PKHD1: variants seen among roughly 807,000 people sequenced by gnomAD.
The protein encoded by PKHD1 is fibrocystin.
Under a neutral mutation model 412.0 loss-of-function variants are expected in PKHD1, and 291 were observed. The ratio of observed to expected loss-of-function variants is 0.71; its 90% CI spans 0.64 to 0.78. PKHD1 has a LOEUF of 0.78. Among genes scored for constraint, PKHD1 ranks in the 30% least tolerant of loss-of-function variants. The pLI is 0.00. For missense variants in PKHD1, 4,825 were observed against 4,950.7 expected (o/e 0.97, Z 0.76); for synonymous variants, 1,777 against 1,821.5 (o/e 0.98, Z 0.62).
At chr6:51,888,928 A>G (rs1452934009) in intron 43 of PKHD1, among the ~76,000 whole-genome samples, 4 of 151,440 alleles carry the variant, frequency 2.6e-5, no homozygotes, top group Admixed American at 2.6e-4. Context: ...CAAAGGGCCA[A>G]TCGATCAAGC....
In PKHD1 at chr6:52,007,793, T is replaced by C. The variant is rs1402932549; in HGVS notation, c.5751+2516A>G. On this transcript the variant is annotated intron_variant, in intron 35 of 66. Transcript: ENST00000371117. ...ATTTTCCCATTATACAGAATGTTGT[T>C]TTTCTGGACTCCAGGCCACTGTGTG... Among the ~76,000 whole-genome samples, 3 of 152,196 alleles carry C rather than the reference T, an allele frequency of 2.0e-5. No homozygotes were observed. The East Asian group carries it at 5.8e-4, about 29-fold the overall frequency.
chr6:51,718,367 C>T (rs1053203922), intron 60 of PKHD1, among the ~76,000 whole-genome samples: 1 of 152,170 alleles, frequency 6.6e-6, no homozygotes, highest in Non-Finnish European at 1.5e-5. Flanking sequence ...ACCTTAAGCA[C>T]ACTTATTCTA....
In PKHD1 at chr6:51,645,511, G is replaced by A. The variant is rs989601740; in HGVS notation, c.11398+2520C>T. On this transcript the variant is annotated intron_variant, in intron 63 of 66. Transcript: ENST00000371117. ...GGGTTCAAGTGATTCTCGTGCCTCC[G>A]CTTCCCAAGTAGCTGGGATTACAGG... Among the ~76,000 whole-genome samples, 6 of 152,016 alleles carry A rather than the reference G, an allele frequency of 3.9e-5. No homozygotes were observed. In the East Asian group the frequency reaches 5.8e-4, roughly 15 times the overall value.
chr6:51,897,868 T>C (rs1173340307), intron 43 of PKHD1, among the ~76,000 whole-genome samples: 1 of 150,758 alleles, frequency 6.6e-6, no homozygotes, highest in Non-Finnish European at 1.5e-5. Flanking sequence ...GCAATCCTAG[T>C]CTCTGATAAA....
chr6:51,619,106 G>C lies in PKHD1; in HGVS notation c.12200C>G (p.Pro4067Arg). 6.2e-7 allele frequency: 1 copy of C among 1,614,178 alleles called. No individual in the cohort carries two copies. The highest frequency in any genetic ancestry group is 8.5e-7 in the Non-Finnish European group (1 of 1,179,992). ...TCACAGTTGCTCCTGAATAGTTTCC[G>C]GGTGTACTGAATGAAGGCAGAATGC... ...TEAFCLHSVH[P>R]ETIQEQL The change falls in exon 67 of 67, where the codon CCG (proline) becomes CGG (arginine). Residue 4067 changes from proline (P) to arginine (R), a missense_variant. Physicochemically the swap from Pro to Arg is moderately radical, Grantham distance 103. Coordinates refer to ENST00000371117, the MANE Select transcript of PKHD1 (RefSeq NM_138694.4).
At chr6:51,799,496 G>C (rs1477321018) in intron 52 of PKHD1, among the ~76,000 whole-genome samples, 7 of 152,122 alleles carry the variant, frequency 4.6e-5, no homozygotes, top group Non-Finnish European at 1.0e-4. Context: ...GGTTGACTCT[G>C]TTTTTATTCC....
At chr6:51,823,042 G>A (rs1224116527) in intron 52 of PKHD1, among the ~76,000 whole-genome samples, 1 of 151,690 alleles carries the variant, frequency 6.6e-6, no homozygotes, top group African/African-American at 2.4e-5. Context: ...GTTGTAAACT[G>A]CTGCTGAAAG....
At chr6:52,081,524 T>A (rs1812022619) in intron 4 of PKHD1, among the ~76,000 whole-genome samples, 1 of 151,402 alleles carries the variant, frequency 6.6e-6, no homozygotes, top group Non-Finnish European at 1.5e-5. Flanking sequence ...AGGCACAGGG[T>A]CACTAAGGCT....
At chr6:51,987,390 A>G (rs1796350604) in intron 35 of PKHD1, among the ~76,000 whole-genome samples, 1 of 152,202 alleles carries the variant, frequency 6.6e-6, no homozygotes, top group Non-Finnish European at 1.5e-5. Context: ...TCACTTCTAT[A>G]CCCTGTTTGA....
At chr6:51,671,007 A>T (rs1321014019) in intron 60 of PKHD1, among the ~76,000 whole-genome samples, 3 of 151,904 alleles carry the variant, frequency 2.0e-5, no homozygotes, top group African/African-American at 7.3e-5. Context: ...AACTTTGGTG[A>T]ATCTGACAAT....
intron 19 of PKHD1, 69 bp downstream of exon 19, chr6:52,055,518 A>T (rs1807571511): frequency 1.9e-6 from 3 of 1,553,094 alleles, no homozygotes; most frequent in Non-Finnish European, 2.7e-6. Context: ...CTGAGTTTTC[A>T]GTCTTGAATC....
At chr6:51,962,092 A>G (rs1310070554) in intron 35 of PKHD1, among the ~76,000 whole-genome samples, 1 of 152,226 alleles carries the variant, frequency 6.6e-6, no homozygotes, top group East Asian at 1.9e-4. Context: ...CCAAACCAAC[A>G]TCCAAAGCTT....
chr6:51,953,336 A>G (rs140297114), intron 36 of PKHD1, among the ~76,000 whole-genome samples: 2 of 152,256 alleles, frequency 1.3e-5, no homozygotes, highest in African/African-American at 4.8e-5. Flanking sequence ...TTTTATCAAA[A>G]TTACTGCCTT....
At chr6:52,061,811 A>G (rs139570937) in intron 14 of PKHD1, among the ~76,000 whole-genome samples, 1 of 152,260 alleles carries the variant, frequency 6.6e-6, no homozygotes, top group Non-Finnish European at 1.5e-5. Flanking sequence ...GAGATCCATC[A>G]TTCAGTAAAG....
intron 60 of PKHD1, among the ~76,000 whole-genome samples, chr6:51,689,499 A>G (rs1227386277): frequency 1.3e-5 from 2 of 152,212 alleles, no homozygotes; most frequent in African/African-American, 2.4e-5. Context: ...GGCCAGGGCA[A>G]TTAGGCAAGA....
intron 46 of PKHD1, 30 bp downstream of exon 46, chr6:51,883,062 CA>C (rs1451633667): frequency 1.3e-6 from 2 of 1,593,646 alleles, no homozygotes; most frequent in East Asian, 4.5e-5. Context: ...TTGTGATTGA[CA>C]GCCTAAAACA....
rs761352771 is a variant in PKHD1 at position 51,747,861 on chromosome 6, G to T, written c.9755C>A (p.Pro3252Gln). 1.2e-6 allele frequency: 2 copies of T among 1,613,546 alleles called. No homozygotes were observed. The highest frequency in any genetic ancestry group is 2.2e-5 in the East Asian group (1 of 44,852). ...CCATGGCTCCTGAGGCCACTGATTT[G>T]GTTCTGAGGTGAATACAGGCCACAG... ...GILWPVFTSE[P>Q]NQWPQEPWHK... Residue 3252 changes from proline (P) to glutamine (Q), a missense_variant, in exon 58 of 67, where the codon CCA becomes CAA. Pro to Gln is a moderately conservative substitution (Grantham distance 76, BLOSUM62 -1). Transcript: ENST00000371117.
chr6:51,668,531 C>T (rs1774272447), intron 60 of PKHD1, among the ~76,000 whole-genome samples: 1 of 152,064 alleles, frequency 6.6e-6, no homozygotes, highest in Admixed American at 6.5e-5. Flanking sequence ...ATTGAATACC[C>T]TTTATTTCCT....
At chr6:51,996,485 G>T (rs1219062575) in intron 35 of PKHD1, among the ~76,000 whole-genome samples, 2 of 152,150 alleles carry the variant, frequency 1.3e-5, no homozygotes, top group Non-Finnish European at 2.9e-5. Context: ...CATAAAAATA[G>T]CTGCTGTCAT....
Sources: allele counts gnomAD v4.1 joint callset (sites outside exome capture counted in the v4.1 genomes callset), GRCh38; gene constraint gnomAD v4.1.1; transcripts MANE v1.5; gene names NCBI Gene and HGNC (gene_info 2026-07-23, HGNC 2026-07-21).